Variants in HDX observed in about 807,000 individuals in gnomAD.
HDX encodes the protein highly divergent homeobox, also known as chromosome X open reading frame 43.
In HDX, 19 loss-of-function variants were observed where a neutral mutation model predicts 45.2. The observed-to-expected ratio is 0.42, with a 90% CI of 0.29 to 0.62. The LOEUF is 0.62. HDX is among the 20% of genes least tolerant of loss of function. The pLI is 0.20. For missense variants in HDX, 532 were observed against 493.9 expected (o/e 1.08, Z -0.73); for synonymous variants, 188 against 172.8 (o/e 1.09, Z -0.69).
intron 5 of HDX, among the ~76,000 whole-genome samples, chrX:84,379,371 A>G (rs1002188148): frequency 9.0e-6 from 1 of 110,732 alleles, no homozygotes; most frequent in African/African-American, 3.3e-5. Flanking sequence ...GATCTGCACT[A>G]TACACCAAAT....
intron 6 of HDX, among the ~76,000 whole-genome samples, chrX:84,348,430 G>A (rs932577442): frequency 2.7e-5 from 3 of 111,312 alleles, no homozygotes; most frequent in East Asian, 2.8e-4. Flanking sequence ...CCAATTCCTC[G>A]TCTGACGATT....
intron 5 of HDX, among the ~76,000 whole-genome samples, chrX:84,430,716 C>T (rs1380679158): frequency 1.8e-5 from 2 of 109,024 alleles, no homozygotes; most frequent in Non-Finnish European, 3.8e-5. Flanking sequence ...TAATTGTCAT[C>T]CTAATAAAGT....
At chrX:84,347,730 T>C (rs892094790) in intron 6 of HDX, among the ~76,000 whole-genome samples, 2 of 111,640 alleles carry the variant, frequency 1.8e-5, no homozygotes, top group East Asian at 2.8e-4. Context: ...GTTGGTATTG[T>C]TTGTTTTTTC....
intron 5 of HDX, among the ~76,000 whole-genome samples, chrX:84,400,827 A>ACAG: frequency 9.0e-6 from 1 of 111,639 alleles, no homozygotes; most frequent in East Asian, 2.8e-4. Flanking sequence ...AGTAGCCAAA[A>ACAG]CAGCACAGTA....
intron 5 of HDX, among the ~76,000 whole-genome samples, chrX:84,362,657 G>A (rs2147852464): frequency 9.0e-6 from 1 of 110,794 alleles, no homozygotes; most frequent in African/African-American, 3.3e-5. Flanking sequence ...ATGGGGTTCT[G>A]TTGCGTTCTT....
chrX:84,438,627 A>T (rs2039691244), intron 5 of HDX, among the ~76,000 whole-genome samples: 2 of 109,601 alleles, frequency 1.8e-5, no homozygotes, highest in South Asian at 8.0e-4. Flanking sequence ...TCCCACTTAA[A>T]TGTGAGACCA....
At chrX:84,479,671 A>C in intron 2 of HDX, among the ~76,000 whole-genome samples, 1 of 112,091 alleles carries the variant, frequency 8.9e-6, no homozygotes. Context: ...TCTCGAATGC[A>C]CTGAAAAACA....
chrX:84,366,584 A>C (rs916558405), intron 5 of HDX, among the ~76,000 whole-genome samples: 1 of 111,849 alleles, frequency 8.9e-6, no homozygotes. Flanking sequence ...TTTAAACTAT[A>C]CTACAAAGCT....
At chrX:84,410,814 T>C (rs1222828901) in intron 5 of HDX, among the ~76,000 whole-genome samples, 3 of 111,599 alleles carry the variant, frequency 2.7e-5, no homozygotes, top group African/African-American at 9.8e-5. Flanking sequence ...TTCTTATAGG[T>C]AGGCTTTCTA....
intron 5 of HDX, among the ~76,000 whole-genome samples, chrX:84,375,592 T>C (rs1437750283): frequency 9.0e-6 from 1 of 111,372 alleles, no homozygotes; most frequent in Non-Finnish European, 1.9e-5. Context: ...ATGTCCTTTG[T>C]AGGGACGTGG....
At chrX:84,391,194 A>G (rs1172341765) in intron 5 of HDX, among the ~76,000 whole-genome samples, 1 of 97,416 alleles carries the variant, frequency 1.0e-5, no homozygotes, top group Non-Finnish European at 2.2e-5. Context: ...TATGAATGAG[A>G]ATGTGATTTT....
chrX:84,410,307 A>G (rs1378078971), intron 5 of HDX, among the ~76,000 whole-genome samples: 1 of 110,871 alleles, frequency 9.0e-6, no homozygotes. Flanking sequence ...GATGGCTCCT[A>G]TTATTTTGAG....
At chrX:84,379,493 A>G (rs2038136154) in intron 5 of HDX, among the ~76,000 whole-genome samples, 1 of 111,314 alleles carries the variant, frequency 9.0e-6, no homozygotes, top group Non-Finnish European at 1.9e-5. Flanking sequence ...CACAAAAGAC[A>G]CCTTAAAACA....
intron 7 of HDX, among the ~76,000 whole-genome samples, chrX:84,337,416 A>G (rs1447241112): frequency 8.9e-6 from 1 of 111,793 alleles, no homozygotes; most frequent in Non-Finnish European, 1.9e-5. Flanking sequence ...TAGTATTTCT[A>G]GATGGAATTA....
rs1056812591 is a variant in HDX at position 84,318,613 on chromosome X, A to G, written c.*3276T>C. ...AAAGTCCATTTTAGAGCCCAAAATT[A>G]TTTTAAATTAACCACTTATGTTTTC... On this transcript the variant is annotated 3_prime_UTR_variant, in exon 11 of 11. Coordinates refer to ENST00000373177, the MANE Select transcript of HDX (RefSeq NM_001177479.2). 1.8e-5 allele frequency: 2 copies of G among 110,985 alleles called. No homozygotes were observed. Among genetic ancestry groups the G allele is most frequent in the Non-Finnish European group, 3.8e-5 (2 of 52,507 alleles). 9.1% of individuals were successfully genotyped at this position (110,985 alleles called of 1,213,427 possible).
chrX:84,325,791 A>T (rs2036696664), intron 10 of HDX, among the ~76,000 whole-genome samples: 2 of 111,865 alleles, frequency 1.8e-5, no homozygotes, highest in South Asian at 3.7e-4. Context: ...GGAAATTAAG[A>T]TCCAGAAGAG....
chrX:84,436,705 A>C (rs1445046157), intron 5 of HDX, among the ~76,000 whole-genome samples: 1 of 111,994 alleles, frequency 8.9e-6, no homozygotes, highest in Admixed American at 9.5e-5. Flanking sequence ...TACGATTTTA[A>C]CTTTTAAAAA....
chrX:84,328,799 T>C (rs111984875), intron 9 of HDX, among the ~76,000 whole-genome samples: 5,287 of 111,663 alleles, frequency 0.047, 287 homozygotes, highest in African/African-American at 0.16. Flanking sequence ...CTTGAAGAGA[T>C]TGATTCTGAG....
At chrX:84,482,288 G>A (rs1393260749) in intron 2 of HDX, among the ~76,000 whole-genome samples, 9 of 111,422 alleles carry the variant, frequency 8.1e-5, no homozygotes, top group African/African-American at 2.6e-4. Flanking sequence ...TCTCCATACT[G>A]CTTTTCATAG....
Sources: allele counts gnomAD v4.1 joint callset (sites outside exome capture counted in the v4.1 genomes callset), GRCh38; gene constraint gnomAD v4.1.1; transcripts MANE v1.5; gene names NCBI Gene and HGNC (gene_info 2026-07-23, HGNC 2026-07-21).